Variants in FRMD3 observed in about 807,000 individuals in gnomAD.
FRMD3 encodes FERM domain-containing protein 3.
Under a neutral mutation model 70.2 loss-of-function variants are expected in FRMD3, and 33 were observed. The observed-to-expected ratio is 0.47, with a 90% CI of 0.36 to 0.63. FRMD3 has a LOEUF of 0.63. Ranked by LOEUF, FRMD3 falls within the 20% of genes least tolerant of loss-of-function variation. The pLI is 0.00. For missense variants in FRMD3, 632 were observed against 711.4 expected (o/e 0.89, Z 1.27); for synonymous variants, 279 against 255.9 (o/e 1.09, Z -0.86).
intron 1 of FRMD3, among the ~76,000 whole-genome samples, chr9:83,416,834 C>T (rs919975155): frequency 4.0e-5 from 6 of 150,054 alleles, no homozygotes; most frequent in African/African-American, 1.5e-4. Context: ...AGCTGGCTGG[C>T]CAGCAGCAGG....
At chr9:83,312,852 G>A (rs1835417520) in intron 7 of FRMD3, among the ~76,000 whole-genome samples, 2 of 152,188 alleles carry the variant, frequency 1.3e-5, no homozygotes, top group South Asian at 4.1e-4. Context: ...CTCTCCAGGT[G>A]TTTCTAATGA....
At chr9:83,490,798 T>TCTCACACA (rs752047493) in intron 1 of FRMD3, among the ~76,000 whole-genome samples, 22 of 110,714 alleles carry the variant, frequency 2.0e-4, no homozygotes, top group East Asian at 7.9e-4. Flanking sequence ...TCTCTCTCTC[T>TCTCACACA]CACACACACA....
intron 1 of FRMD3, among the ~76,000 whole-genome samples, chr9:83,398,537 A>T (rs1825866566): frequency 1.3e-5 from 2 of 152,214 alleles, no homozygotes; most frequent in East Asian, 1.9e-4. Flanking sequence ...TTTGGGAAAA[A>T]TGAAATATGC....
intron 1 of FRMD3, among the ~76,000 whole-genome samples, chr9:83,486,392 C>T (rs1202552319): frequency 6.6e-6 from 1 of 152,134 alleles, no homozygotes; most frequent in Non-Finnish European, 1.5e-5. Flanking sequence ...TGTACTTTCC[C>T]AGAGATGGCA....
At chr9:83,433,735 A>G (rs1827049248) in intron 1 of FRMD3, among the ~76,000 whole-genome samples, 2 of 152,156 alleles carry the variant, frequency 1.3e-5, no homozygotes, top group African/African-American at 4.8e-5. Flanking sequence ...GGAATGTGCA[A>G]CCTAGATCCC....
At chr9:83,562,213 G>A in the FRMD3 span, among the ~76,000 whole-genome samples, 7 of 152,288 alleles carry the variant, frequency 4.6e-5, no homozygotes, top group South Asian at 2.1e-4. Context: ...AGAAGATCTC[G>A]CACAAATTGG....
At chr9:83,357,215 ATATATATATTT>A in intron 3 of FRMD3, among the ~76,000 whole-genome samples, 1 of 25,964 alleles carries the variant, frequency 3.9e-5, no homozygotes, top group African/African-American at 1.7e-4. Context: ...CATACATGGA[ATATATATATTT>A]TATATATATA....
chr9:83,359,527 C>A (rs1477984636), intron 3 of FRMD3, among the ~76,000 whole-genome samples: 1 of 152,072 alleles, frequency 6.6e-6, no homozygotes, highest in Admixed American at 6.6e-5. Flanking sequence ...TAAATATTTT[C>A]AACTTTGGAA....
At chr9:83,337,530 A>G (rs1019728522) in intron 5 of FRMD3, among the ~76,000 whole-genome samples, 1 of 152,228 alleles carries the variant, frequency 6.6e-6, no homozygotes, top group Non-Finnish European at 1.5e-5. Context: ...ATGCTAAGGA[A>G]TATGAGCCAG....
chr9:83,269,946 C>T (rs1324491645), intron 13 of FRMD3, among the ~76,000 whole-genome samples: 1 of 152,142 alleles, frequency 6.6e-6, no homozygotes. Context: ...GACAAGCATT[C>T]TATATTGCCT....
chr9:83,485,374 T>C (rs1828666136), intron 1 of FRMD3, among the ~76,000 whole-genome samples: 1 of 152,266 alleles, frequency 6.6e-6, no homozygotes, highest in Non-Finnish European at 1.5e-5. Context: ...AGTCCCTTTT[T>C]GATCTTAAGG....
rs1305499677 is a variant in FRMD3, at chr9:83,349,121, AC to A, written c.374+557del. Among the ~76,000 whole-genome samples, 3 of 152,170 alleles carry A rather than the reference AC, an allele frequency of 2.0e-5. No individual in the cohort carries two copies. In the East Asian group the frequency reaches 5.8e-4, roughly 29 times the overall value. On this transcript the variant is annotated intron_variant, in intron 4 of 13. Transcript: ENST00000304195. ...TGCCCAGGTTATTCAAGGAAGCCAA[AC>A]CCCCAGAAGGTACGCTGAAGCTGTA...
chr9:83,562,906 CAG>C, the FRMD3 span, among the ~76,000 whole-genome samples: 1 of 146,048 alleles, frequency 6.8e-6, no homozygotes, highest in Non-Finnish European at 1.5e-5. Context: ...CCCCCCAGCA[CAG>C]AGTTTCACCA....
In FRMD3 at chr9:83,247,963, C is replaced by T; in HGVS notation, c.1749G>A (p.Val583=). 1 of 1,614,172 alleles carries T rather than the reference C, an allele frequency of 6.2e-7. No homozygotes were observed. The highest frequency in any genetic ancestry group is 8.5e-7 in the Non-Finnish European group (1 of 1,180,034). Residue 583 remains valine (V), a synonymous_variant, in exon 14 of 14, where the codon GTG becomes GTA. Transcript: ENST00000304195. The part of the protein sequence containing the change: ...YEYYCPLKEW[V]AGKVHLILYM... ...AGAGGATGAGGTGGACTTTCCCAGCCACCCACTCCTTGAGGGGACAGTAGT... is the reference window on the plus strand; with the variant it reads ...AGAGGATGAGGTGGACTTTCCCAGCTACCCACTCCTTGAGGGGACAGTAGT...
chr9:83,244,933 C>A lies in FRMD3; in HGVS notation c.*2985G>T, dbSNP rs1310949729. ...TTTCATGATCCAACTTGCATTAGCA[C>A]TAAAGGCAATATTGTGTGTGTATAT... On this transcript the variant is annotated 3_prime_UTR_variant, in exon 14 of 14. Transcript: ENST00000304195. The A allele has an allele frequency of 8.1e-6, 8 of 984,936 alleles. No individual in the cohort carries two copies. The highest frequency in any genetic ancestry group is 9.6e-6 in the Non-Finnish European group (8 of 829,536). The allele number at this position is 984,936 out of a possible 1,614,324, so 61.0% of individuals were successfully genotyped here. A position where few individuals can be genotyped will look rare whatever the true frequency, so the allele number is the denominator to read the frequency against.
Position 83,335,543 on chromosome 9 carries a change from A to G in FRMD3, c.569T>C (p.Ile190Thr), listed in dbSNP as rs1587738120. Residue 190 changes from isoleucine (I) to threonine (T), a missense_variant, in exon 6 of 14, where the codon ATA becomes ACA. Ile to Thr is a moderately conservative substitution (Grantham distance 89, BLOSUM62 -1). Coordinates refer to ENST00000304195, the MANE Select transcript of FRMD3 (RefSeq NM_174938.6). ...PKQSQKLERK[I>T]VEIHKNELRG... The stretch of plus-strand genomic sequence containing the variant: ...GAGTTCATTTTTATGAATTTCCACT[A>G]TTTTTCTTTCCAGCTTCTGTGACTG... 1.9e-6 allele frequency: 3 copies of G among 1,612,874 alleles called. No individual in the cohort carries two copies. The highest frequency in any genetic ancestry group is 4.5e-5 in the East Asian group (2 of 44,856).
Position 83,529,950 on chromosome 9 carries a change from C to A in FRMD3, c.147+8135G>T, listed in dbSNP as rs538293835. Among the ~76,000 whole-genome samples, 36 of 152,274 alleles carry A rather than the reference C, an allele frequency of 2.4e-4. 1 individual carries two copies. The highest frequency in any genetic ancestry group is 8.4e-4 in the African/African-American group (35 of 41,556). Reference sequence around the variant, plus strand: ...ACCACAATGAGATCCCACTCCACACCCACTTAGGATGGTTATAATCAAACA... The same window carrying A: ...ACCACAATGAGATCCCACTCCACACACACTTAGGATGGTTATAATCAAACA... On this transcript the variant is annotated intron_variant, in intron 1 of 13. Coordinates refer to ENST00000304195, the MANE Select transcript of FRMD3 (RefSeq NM_174938.6).
chr9:83,455,067 C>T (rs1423766440), intron 1 of FRMD3, among the ~76,000 whole-genome samples: 1 of 148,626 alleles, frequency 6.7e-6, no homozygotes, highest in African/African-American at 2.5e-5. Flanking sequence ...AAGTTAGTAA[C>T]ACTTACTTTT....
intron 13 of FRMD3, among the ~76,000 whole-genome samples, chr9:83,261,102 G>GACACACACAC (rs59345002): frequency 0.3 from 39,992 of 132,706 alleles, 7,135 homozygotes; most frequent in Middle Eastern, 0.38. Context: ...AGGAAACTTA[G>GACACACACAC]ACACACACAC....
Sources: gnomAD v4.1 joint callset for allele counts (sites outside exome capture counted in the v4.1 genomes callset) on GRCh38, gnomAD v4.1.1 for gene constraint, MANE v1.5 for transcripts, NCBI Gene and HGNC (gene_info 2026-07-23, HGNC 2026-07-21) for gene names.